Variants in VTI1A observed in about 807,000 individuals in gnomAD.
The protein encoded by VTI1A is vesicle transport through interaction with t-SNAREs 1A, also known as vesicle transport through interaction with t-SNAREs homolog 1A.
Under a neutral mutation model 34.9 loss-of-function variants are expected in VTI1A, and 22 were observed. The ratio of observed to expected loss-of-function variants is 0.63; its 90% CI spans 0.45 to 0.90. VTI1A has a LOEUF of 0.90. VTI1A is among the 40% of genes least tolerant of loss of function. The pLI is 0.00. For synonymous variants in VTI1A, 87 were observed against 97.3 expected (o/e 0.89, Z 0.62); for missense variants, 268 against 275.6 (o/e 0.97, Z 0.20).
intron 5 of VTI1A, among the ~76,000 whole-genome samples, chr10:112,556,726 T>C (rs897292991): frequency 1.3e-5 from 2 of 152,036 alleles, no homozygotes; most frequent in Non-Finnish European, 2.9e-5. Context: ...CAATACTTTT[T>C]GTAAAAGAAA....
chr10:112,580,647 G>A (rs1407926010), intron 5 of VTI1A, among the ~76,000 whole-genome samples: 1 of 152,154 alleles, frequency 6.6e-6, no homozygotes, highest in Non-Finnish European at 1.5e-5. Flanking sequence ...GGGAGTGACT[G>A]TAGGGTAGTA....
chr10:112,631,006 C>A (rs1174859515), intron 5 of VTI1A, among the ~76,000 whole-genome samples: 1 of 152,044 alleles, frequency 6.6e-6, no homozygotes, highest in Non-Finnish European at 1.5e-5. Flanking sequence ...CCTGTAATCC[C>A]AGCTACCTGG....
At chr10:112,483,859 C>A (rs1404067460) in intron 3 of VTI1A, among the ~76,000 whole-genome samples, 1 of 152,180 alleles carries the variant, frequency 6.6e-6, no homozygotes, top group Non-Finnish European at 1.5e-5. Context: ...ATCATTTATT[C>A]TTCACAGCCA....
Position 112,532,212 on chromosome 10 carries a change from C to T in VTI1A, c.342+5048C>T, listed in dbSNP as rs1192333874. Reference sequence around the variant, plus strand: ...TTCCTTGAATTCGGGACAAAAACAGCGTTAAGCATTGAGATATCCGGGCTA... The same window carrying T: ...TTCCTTGAATTCGGGACAAAAACAGTGTTAAGCATTGAGATATCCGGGCTA... On this transcript the variant is annotated intron_variant, in intron 4 of 7. Transcript: ENST00000393077. Among the ~76,000 whole-genome samples, 3 of 152,118 alleles carry T rather than the reference C, an allele frequency of 2.0e-5. No individual in the cohort carries two copies. The East Asian group carries it at 5.8e-4, about 29-fold the overall frequency.
intron 7 of VTI1A, among the ~76,000 whole-genome samples, chr10:112,793,992 C>G (rs1030132100): frequency 6.6e-6 from 1 of 152,190 alleles, no homozygotes; most frequent in Non-Finnish European, 1.5e-5. Context: ...AGTGCCCACA[C>G]CCCTCACCCC....
chr10:112,502,828 A>G (rs1849290903), intron 3 of VTI1A, among the ~76,000 whole-genome samples: 1 of 152,336 alleles, frequency 6.6e-6, no homozygotes, highest in African/African-American at 2.4e-5. Context: ...ATGGTAATTT[A>G]GGATTAAACT....
At chr10:112,830,849 A>ATATATATATATATATATATATATATATT in the VTI1A span, among the ~76,000 whole-genome samples, 6 of 33,488 alleles carry the variant, frequency 1.8e-4, no homozygotes, top group South Asian at 1.6e-3. Flanking sequence ...ATATATATAT[A>ATATATATATATATATATATATATATATT]TTTTTTTTTT....
At chr10:112,703,042 A>G (rs991959289) in intron 7 of VTI1A, among the ~76,000 whole-genome samples, 41 of 152,326 alleles carry the variant, frequency 2.7e-4, no homozygotes, top group South Asian at 8.3e-4. Context: ...AATTCCAACA[A>G]CAAAGAAAAG....
chr10:112,821,126 C>T (rs1486674801), downstream of VTI1A, among the ~76,000 whole-genome samples: 3 of 152,220 alleles, frequency 2.0e-5, no homozygotes, highest in Admixed American at 6.5e-5. Flanking sequence ...AGGGGGCAGT[C>T]GCCAGGAAGC....
intron 3 of VTI1A, among the ~76,000 whole-genome samples, chr10:112,519,592 A>T (rs138151895): frequency 3.9e-5 from 6 of 152,208 alleles, no homozygotes; most frequent in Non-Finnish European, 8.8e-5. Flanking sequence ...CGTTCATCCA[A>T]CCATGGCTTT....
At chr10:112,564,390 C>A (rs1851832916) in intron 5 of VTI1A, among the ~76,000 whole-genome samples, 1 of 150,942 alleles carries the variant, frequency 6.6e-6, no homozygotes, top group African/African-American at 2.4e-5. Context: ...GTTTAGTTTT[C>A]TATAGTCAAT....
chr10:112,513,319 G>A (rs1038674365), intron 3 of VTI1A, among the ~76,000 whole-genome samples: 13 of 151,862 alleles, frequency 8.6e-5, no homozygotes, highest in African/African-American at 1.7e-4. Flanking sequence ...ATTGTTTTAC[G>A]AATTTCCTTT....
intron 5 of VTI1A, among the ~76,000 whole-genome samples, chr10:112,567,425 T>G (rs548631010): frequency 1.3e-5 from 2 of 152,228 alleles, no homozygotes; most frequent in Admixed American, 6.5e-5. Flanking sequence ...ATGTGAAAAT[T>G]TATTATTGCT....
intron 7 of VTI1A, among the ~76,000 whole-genome samples, chr10:112,763,265 C>A (rs1305851596): frequency 6.6e-6 from 1 of 151,954 alleles, no homozygotes; most frequent in Non-Finnish European, 1.5e-5. Flanking sequence ...ACGGTGAAAC[C>A]CTGTCTGTAC....
chr10:112,489,401 C>T (rs1589822902), intron 3 of VTI1A, among the ~76,000 whole-genome samples: 1 of 152,152 alleles, frequency 6.6e-6, no homozygotes, highest in Admixed American at 6.5e-5. Flanking sequence ...CCCCCAACCC[C>T]CCATTCTTTG....
chr10:112,619,763 A>C (rs138720667), intron 5 of VTI1A, among the ~76,000 whole-genome samples: 1 of 151,996 alleles, frequency 6.6e-6, no homozygotes. Context: ...TAAAATGTAC[A>C]TGGATCTTTC....
intron 5 of VTI1A, among the ~76,000 whole-genome samples, chr10:112,616,800 G>A (rs1442857991): frequency 2.0e-5 from 3 of 152,174 alleles, no homozygotes; most frequent in Non-Finnish European, 4.4e-5. Flanking sequence ...AAGCAGATCT[G>A]AGAAAGCTGA....
chr10:112,624,044 C>T (rs1470145824), intron 5 of VTI1A, among the ~76,000 whole-genome samples: 1 of 152,188 alleles, frequency 6.6e-6, no homozygotes, highest in Non-Finnish European at 1.5e-5. Flanking sequence ...CTGACAAACA[C>T]ATTTTCACTT....
rs117455357 is a variant in VTI1A, at chr10:112,803,444, C to T, written c.561-11846C>T. Among the ~76,000 whole-genome samples the T allele has an allele frequency of 3.2e-3, 488 of 152,320 alleles. 5 individuals carry two copies. In the East Asian group the frequency reaches 0.041, roughly 13 times the overall value. On this transcript the variant is annotated intron_variant, in intron 7 of 7. Coordinates refer to ENST00000393077, the MANE Select transcript of VTI1A (RefSeq NM_145206.4). ...GGGGCCACTGATGGATTTGAGTTGCCGTCAGGTACAGACACCGTTAGAGGC... is the reference window on the plus strand; with the variant it reads ...GGGGCCACTGATGGATTTGAGTTGCTGTCAGGTACAGACACCGTTAGAGGC...
Sources: gnomAD v4.1 joint callset for allele counts (sites outside exome capture counted in the v4.1 genomes callset) on GRCh38, gnomAD v4.1.1 for gene constraint, MANE v1.5 for transcripts, NCBI Gene and HGNC (gene_info 2026-07-23, HGNC 2026-07-21) for gene names.